MAPK6: variants seen among roughly 807,000 people sequenced by gnomAD.
The protein encoded by MAPK6 is ERK-3.
MAPK6 carries 19 observed loss-of-function variants against 59.3 expected under a neutral mutation model. The observed-to-expected ratio is 0.32, with a 90% CI of 0.22 to 0.47. The LOEUF is 0.47. Ranked by LOEUF, MAPK6 falls within the 20% of genes least tolerant of loss-of-function variation. The probability of loss-of-function intolerance (pLI) is 1.00; values close to 1 mark genes in which losing one functional copy is unlikely to be tolerated. For synonymous variants in MAPK6, 316 were observed against 290.3 expected (o/e 1.09, Z -0.90); for missense variants, 724 against 847.9 (o/e 0.85, Z 1.81).
chr15:52,049,190 A>G (rs952521660), intron 2 of MAPK6, among the ~76,000 whole-genome samples: 2 of 152,104 alleles, frequency 1.3e-5, no homozygotes, highest in African/African-American at 4.8e-5. Context: ...TTTATAGTAG[A>G]GGTCATTAAG....
intron 2 of MAPK6, among the ~76,000 whole-genome samples, chr15:52,047,448 C>T (rs1365101879): frequency 3.9e-5 from 6 of 152,002 alleles, no homozygotes; most frequent in African/African-American, 1.2e-4. Flanking sequence ...TGGATTCAAG[C>T]GATTCTTGTA....
At chr15:51,986,730 G>A (rs1313892928) in intron 2 of MAPK6, among the ~76,000 whole-genome samples, 2 of 152,124 alleles carry the variant, frequency 1.3e-5, no homozygotes, top group Non-Finnish European at 2.9e-5. Context: ...AAAGGTGAAA[G>A]AGCGAATTCT....
At position 52,047,131 on chromosome 15, in the gene MAPK6, A is replaced by C. The variant is rs1046823317; in HGVS notation, c.555+116A>C. 1.4e-5 allele frequency: 9 copies of C among 652,062 alleles called. No individual in the cohort carries two copies. The East Asian group carries it at 2.8e-4, about 20-fold the overall frequency. 40.4% of individuals were successfully genotyped at this position (652,062 alleles called of 1,614,324 possible). A position where few individuals can be genotyped will look rare whatever the true frequency, so the allele number is the denominator to read the frequency against. On this transcript the variant is annotated intron_variant, in intron 2 of 5. Transcript: ENST00000261845. ...AATTTTTAATCTTATTAAACTTTACATAGTGCCTTTTTTCTGAAACAAGTC... is the reference window on the plus strand; with the variant it reads ...AATTTTTAATCTTATTAAACTTTACCTAGTGCCTTTTTTCTGAAACAAGTC...
intron 1 of MAPK6, 60 bp from the exon 2 acceptor site, chr15:52,045,770 A>C (rs2031575623): frequency 6.6e-6 from 1 of 152,606 alleles, no homozygotes; most frequent in Non-Finnish European, 1.5e-5. Context: ...TCATACTACA[A>C]ATTTGAAGAA....
chr15:52,054,872 C>T (rs1243102391), intron 3 of MAPK6, among the ~76,000 whole-genome samples: 6 of 152,098 alleles, frequency 3.9e-5, no homozygotes, highest in African/African-American at 1.4e-4. Context: ...ACTGCAACCT[C>T]CGCCTCCCAG....
chr15:51,998,687 A>ATTTTTTTTTTTTTTATTTTTT (rs2057233232), intron 2 of MAPK6, among the ~76,000 whole-genome samples: 1 of 38,472 alleles, frequency 2.6e-5, no homozygotes, highest in Non-Finnish European at 4.6e-5. Context: ...TGCCTGGTTA[A>ATTTTTTTTTTTTTTATTTTTT]TTTTTTTTTT....
At chr15:52,006,728 C>T (rs554586828) in intron 3 of MAPK6, among the ~76,000 whole-genome samples, 1 of 152,254 alleles carries the variant, frequency 6.6e-6, no homozygotes, top group African/African-American at 2.4e-5. Flanking sequence ...AGCAGCAAAT[C>T]TGAAGAACTG....
chr15:52,004,758 C>T (rs1310709592), intron 3 of MAPK6, among the ~76,000 whole-genome samples: 1 of 152,288 alleles, frequency 6.6e-6, no homozygotes, highest in East Asian at 1.9e-4. Flanking sequence ...CAGCATGATT[C>T]AATTCATGAG....
intron 5 of MAPK6, among the ~76,000 whole-genome samples, chr15:52,062,090 T>C (rs927582434): frequency 4.7e-5 from 7 of 148,304 alleles, no homozygotes; most frequent in African/African-American, 1.5e-4. Context: ...TTTTTTGAGA[T>C]GGAATCTCAC....
intron 1 of MAPK6, among the ~76,000 whole-genome samples, chr15:51,975,654 A>G (rs1245878679): frequency 6.6e-6 from 1 of 151,988 alleles, no homozygotes; most frequent in African/African-American, 2.4e-5. Context: ...TTGATTAAAC[A>G]GAATATATTC....
chr15:52,045,058 A>G (rs2031556881), intron 1 of MAPK6, among the ~76,000 whole-genome samples: 1 of 152,138 alleles, frequency 6.6e-6, no homozygotes, highest in Non-Finnish European at 1.5e-5. Context: ...TTTACCAAAA[A>G]AAAATGAGCA....
chr15:51,985,186 T>G (rs2057187009), intron 2 of MAPK6, among the ~76,000 whole-genome samples: 1 of 151,892 alleles, frequency 6.6e-6, no homozygotes, highest in Admixed American at 6.6e-5. Flanking sequence ...TATATAAAAT[T>G]TTTTTAATTA....
chr15:52,062,295 G>A (rs2032234529), intron 5 of MAPK6, among the ~76,000 whole-genome samples: 1 of 151,820 alleles, frequency 6.6e-6, no homozygotes, highest in Admixed American at 6.6e-5. Flanking sequence ...CCACAGTGCT[G>A]AAATTATAGG....
chr15:51,988,253 C>T (rs964118562), intron 2 of MAPK6, among the ~76,000 whole-genome samples: 1 of 151,378 alleles, frequency 6.6e-6, no homozygotes, highest in Admixed American at 6.6e-5. Context: ...CTTAGAGATA[C>T]CCACAGAGAA....
intron 3 of MAPK6, among the ~76,000 whole-genome samples, chr15:52,004,812 T>C (rs2057253068): frequency 6.6e-6 from 1 of 152,134 alleles, no homozygotes. Context: ...AGGCCCCACC[T>C]CCCAACACTG....
intron 2 of MAPK6, among the ~76,000 whole-genome samples, chr15:51,993,621 T>C (rs75567401): frequency 0.018 from 2,702 of 152,220 alleles, 80 homozygotes; most frequent in African/African-American, 0.062. Flanking sequence ...TAGATGTAAA[T>C]GTGTGTATAT....
At chr15:52,016,913 G>A (rs899945883), upstream of MAPK6, among the ~76,000 whole-genome samples, 8 of 152,100 alleles carry the variant, frequency 5.3e-5, no homozygotes, top group African/African-American at 1.7e-4. Flanking sequence ...GTGTGCTGGC[G>A]CGCACCTGTA....
At position 51,987,220 on chromosome 15, in the gene MAPK6, C is replaced by T. The variant is rs535028180; in HGVS notation, c.-770+3905C>T. ...TTACTTTTATAATGCAAAAAGAAAT[C>T]GAACTGAGGAGGGAATTCTTAACCA... On this transcript the variant is annotated intron_variant, in intron 2 of 7. Transcript: ENST00000691380. 1.3e-4 allele frequency among the ~76,000 whole-genome samples: 20 copies of T among 152,194 alleles called. No individual in the cohort carries two copies. In the South Asian group the frequency reaches 3.1e-3, roughly 24 times the overall value.
At chr15:51,993,770 G>T (rs1005096618) in intron 2 of MAPK6, among the ~76,000 whole-genome samples, 5 of 150,638 alleles carry the variant, frequency 3.3e-5, no homozygotes, top group African/African-American at 4.9e-5. Flanking sequence ...CCCAGATCTT[G>T]GTTTCTCTTT....
Sources: gnomAD v4.1 joint callset for allele counts (sites outside exome capture counted in the v4.1 genomes callset) on GRCh38, gnomAD v4.1.1 for gene constraint, MANE v1.5 for transcripts, NCBI Gene and HGNC (gene_info 2026-07-23, HGNC 2026-07-21) for gene names.